The following ATP8B4 variants were observed in gnomAD, a reference collection of about 807,000 sequenced individuals.
The protein encoded by ATP8B4 is ATPase phospholipid transporting 8B4 (putative).
In ATP8B4, 133 loss-of-function variants were observed where a neutral mutation model predicts 145.6. The ratio of observed to expected loss-of-function variants is 0.91; its 90% confidence interval spans 0.79 to 1.05. The LOEUF (loss-of-function observed/expected upper bound fraction) is 1.05, where lower values mean the gene tolerates loss of function less well. ATP8B4 is among the 50% of genes least tolerant of loss of function. The pLI, the probability that ATP8B4 is intolerant of heterozygous loss-of-function variation, is 0.00. For missense variants in ATP8B4, 1,458 were observed against 1,425.2 expected, an observed-to-expected ratio of 1.02 and a Z score of -0.37; for synonymous variants, 507 against 492.9, an observed-to-expected ratio of 1.03 and a Z score of -0.38.
At chr15:50,169,956 G>A (rs937537114) in intron 1 of ATP8B4, among the ~76,000 whole-genome samples, 1 of 152,034 alleles carries the variant, frequency 6.6e-6, no homozygotes, top group Non-Finnish European at 1.5e-5. Flanking sequence ...CATGGTCTTC[G>A]AATTAACCCA....
At chr15:50,036,704 A>G (rs984141573) in intron 6 of ATP8B4, among the ~76,000 whole-genome samples, 5 of 152,184 alleles carry the variant, frequency 3.3e-5, no homozygotes, top group African/African-American at 1.2e-4. Context: ...AAAATTCAAC[A>G]GATACTGTGG....
At chr15:50,054,488 A>G (rs1007319700) in intron 3 of ATP8B4, among the ~76,000 whole-genome samples, 8 of 152,162 alleles carry the variant, frequency 5.3e-5, no homozygotes, top group African/African-American at 1.9e-4. Flanking sequence ...TAGCAAATAT[A>G]TCAAAAACCA....
intron 18 of ATP8B4, among the ~76,000 whole-genome samples, 177 bp downstream of exon 18, chr15:49,920,069 T>C (rs533711470): frequency 1.3e-5 from 2 of 152,146 alleles, no homozygotes; most frequent in Non-Finnish European, 2.9e-5. Flanking sequence ...AATTCTAGGC[T>C]CTCTAGGACC....
At position 49,931,532 on chromosome 15, in the gene ATP8B4, T is replaced by C. The variant is rs750918780; in HGVS notation, c.1454-225A>G. Among the ~76,000 whole-genome samples the C allele has an allele frequency of 7.2e-5, 11 of 152,028 alleles. 1 individual carries two copies. Among genetic ancestry groups the C allele is most frequent in the South Asian group, 6.2e-4 (3 of 4,834 alleles). Reference sequence around the variant, plus strand: ...CACTGCTATAGCCCTTGTCATCTTATAGGAAAACATCCATTTCTGAGTCTG... The same window carrying C: ...CACTGCTATAGCCCTTGTCATCTTACAGGAAAACATCCATTTCTGAGTCTG... On this transcript the variant is annotated intron_variant, in intron 15 of 27. Coordinates refer to ENST00000284509, the MANE Select transcript of ATP8B4 (RefSeq NM_024837.4).
chr15:49,984,488 A>G (rs1432571445), intron 10 of ATP8B4, among the ~76,000 whole-genome samples: 2 of 152,156 alleles, frequency 1.3e-5, no homozygotes, highest in Non-Finnish European at 2.9e-5. Context: ...TCTCCACCTG[A>G]GCCAGAAGGG....
chr15:50,104,887 A>ACACACACACACACACACACACACC (rs753542910), intron 2 of ATP8B4, among the ~76,000 whole-genome samples: 16 of 151,394 alleles, frequency 1.1e-4, no homozygotes, highest in Non-Finnish European at 2.4e-4. Flanking sequence ...ACACACACAC[A>ACACACACACACACACACACACACC]CCCATATATA....
At chr15:49,927,087 C>T (rs77202914) in intron 16 of ATP8B4, among the ~76,000 whole-genome samples, 5,938 of 152,142 alleles carry the variant, frequency 0.039, 152 homozygotes, top group Middle Eastern at 0.068. Flanking sequence ...TTTCTATTTA[C>T]AGAATTAGTA....
At chr15:50,118,345 A>C (rs1248866005) in intron 1 of ATP8B4, among the ~76,000 whole-genome samples, 1 of 152,162 alleles carries the variant, frequency 6.6e-6, no homozygotes, top group East Asian at 1.9e-4. Flanking sequence ...ATCACATAAA[A>C]AATAAAAAAT....
chr15:50,050,550 C>G (rs2052097406), intron 3 of ATP8B4, among the ~76,000 whole-genome samples: 1 of 151,676 alleles, frequency 6.6e-6, no homozygotes, highest in African/African-American at 2.4e-5. Flanking sequence ...TTCCTCCCAG[C>G]TTTGTGTCAT....
intron 25 of ATP8B4, among the ~76,000 whole-genome samples, chr15:49,873,626 G>C (rs1217148868): frequency 2.6e-5 from 4 of 151,852 alleles, no homozygotes; most frequent in African/African-American, 9.7e-5. Flanking sequence ...TGCTTTTCTT[G>C]AATTTCCTGC....
chr15:50,115,905 G>A (rs1057412342), intron 1 of ATP8B4, among the ~76,000 whole-genome samples: 1 of 152,224 alleles, frequency 6.6e-6, no homozygotes, highest in African/African-American at 2.4e-5. Flanking sequence ...CGGGGAGACA[G>A]AAGAGGTATC....
At chr15:50,068,201 C>T (rs536006467) in intron 3 of ATP8B4, among the ~76,000 whole-genome samples, 3 of 152,218 alleles carry the variant, frequency 2.0e-5, no homozygotes, top group East Asian at 1.9e-4. Flanking sequence ...ACTGTGGAAA[C>T]GTACAAAGTC....
chr15:49,920,383 A>T lies in ATP8B4; in HGVS notation c.1786T>A (p.Leu596Met). 1 of 1,614,120 alleles carries T rather than the reference A, an allele frequency of 6.2e-7. No individual in the cohort carries two copies. ...SEFAGEGLRT[L>M]AIAYRDLDDK... ...TCCAGGTCTCTGTATGCGATGGCCA[A>T]GGTCCGAAGGCCTTCCCCTGCAAAT... Residue 596 changes from leucine to methionine, a missense_variant, in exon 18 of 28, where the codon TTG (leucine) becomes ATG (methionine). Transcript: ENST00000284509.
chr15:50,115,684 G>A (rs1289116920), intron 1 of ATP8B4, among the ~76,000 whole-genome samples: 1 of 152,008 alleles, frequency 6.6e-6, no homozygotes, highest in African/African-American at 2.4e-5. Context: ...GTAAGAGCTG[G>A]ATTCTGAAAG....
chr15:50,006,112 T>G (rs2048279543), intron 7 of ATP8B4, among the ~76,000 whole-genome samples: 1 of 152,156 alleles, frequency 6.6e-6, no homozygotes, highest in Non-Finnish European at 1.5e-5. Flanking sequence ...AATTTAAATT[T>G]CAGGTCCAAT....
intron 1 of ATP8B4, among the ~76,000 whole-genome samples, chr15:50,127,766 A>G (rs770936319): frequency 1.3e-5 from 2 of 152,204 alleles, no homozygotes; most frequent in African/African-American, 2.4e-5. Context: ...AAAACTGTTC[A>G]AGGCAGCTCT....
intron 3 of ATP8B4, among the ~76,000 whole-genome samples, chr15:50,073,011 T>TATATAC (rs2053931070): frequency 2.2e-5 from 1 of 44,798 alleles, no homozygotes; most frequent in African/African-American, 1.0e-4. Context: ...TATATATATA[T>TATATAC]ATATATATAC....
chr15:49,900,964 C>G (rs185367539), intron 21 of ATP8B4, 128 bp downstream of exon 21: 1 of 1,181,186 alleles, frequency 8.5e-7, no homozygotes, highest in Non-Finnish European at 1.2e-6. Flanking sequence ...AGGAAATCAT[C>G]GCATATGCCC....
chr15:49,973,137 G>A (rs6493392), intron 12 of ATP8B4, among the ~76,000 whole-genome samples: 80,150 of 152,016 alleles, frequency 0.53, 23,740 homozygotes, highest in African/African-American at 0.79. Context: ...CCAACCTTTT[G>A]GTCACCGGGG....
Sources: gnomAD v4.1 joint callset for allele counts (sites outside exome capture counted in the v4.1 genomes callset) on GRCh38, gnomAD v4.1.1 for gene constraint, MANE v1.5 for transcripts, NCBI Gene and HGNC (gene_info 2026-07-23, HGNC 2026-07-21) for gene names.